The following CTC1 variants were observed in gnomAD, a reference collection of about 807,000 sequenced individuals.
The protein encoded by CTC1 is CST complex subunit CTC1.
CTC1 carries 91 observed loss-of-function variants against 136.3 expected under a neutral mutation model. The ratio of observed to expected loss-of-function variants is 0.67; its 90% CI spans 0.56 to 0.79. The LOEUF (loss-of-function observed/expected upper bound fraction) is 0.79. Ranked by LOEUF, CTC1 falls within the 30% of genes least tolerant of loss-of-function variation. The pLI, the probability that CTC1 is intolerant of heterozygous loss-of-function variation, is 0.00. For missense variants in CTC1, 1,432 were observed against 1,498.1 expected, an observed-to-expected ratio of 0.96 and a Z score of 0.73; for synonymous variants, 606 against 613.8, an observed-to-expected ratio of 0.99 and a Z score of 0.19.
chr17:8,235,751 C>T (rs1237169796), intron 7 of CTC1, 80 bp downstream of exon 7: 2 of 1,449,278 alleles, frequency 1.4e-6, no homozygotes, highest in Non-Finnish European at 1.9e-6. Flanking sequence ...TATATAACCA[C>T]CCTGCTGCAG....
rs761028066 is a variant in CTC1 at position 8,236,225 on chromosome 17, A to C, written c.910T>G (p.Ser304Ala). The change falls in exon 6 of 23, where the codon TCC becomes GCC. Residue 304 changes from serine (S) to alanine (A), a missense_variant. By Grantham distance (99) the Ser-to-Ala change is moderately conservative (BLOSUM62 1). Transcript: ENST00000651323. ...GGTTTCAGCAGCAACAGACGGGAGGACTGACTGGTCATCCAAACATGCTGG... is the reference window on the plus strand; with the variant it reads ...GGTTTCAGCAGCAACAGACGGGAGGCCTGACTGGTCATCCAAACATGCTGG... Reference protein sequence around the residue: ...QRQHVWMTSQSSRLLLLKPEC... With the variant: ...QRQHVWMTSQASRLLLLKPEC... 8.7e-6 allele frequency: 14 copies of C among 1,614,048 alleles called. No homozygotes were observed. The Admixed American group carries it at 2.2e-4, about 25-fold the overall frequency.
Position 8,229,971 on chromosome 17 carries a change from G to GC in CTC1, c.2934-4dup, listed in dbSNP as rs1222623150. On this transcript the variant is annotated splice_region_variant and splice_polypyrimidine_tract_variant and intron_variant, in intron 17 of 22. Coordinates refer to ENST00000651323, the MANE Select transcript of CTC1 (RefSeq NM_025099.6). Reference sequence around the variant, plus strand: ...AACAACAATAAACATTGTGAGATCTGCAAGTGGAAGAGGAATAGTGAGTGA... The same window carrying GC: ...AACAACAATAAACATTGTGAGATCTGCCAAGTGGAAGAGGAATAGTGAGTGA... 10 of 1,613,808 alleles carry GC rather than the reference G, an allele frequency of 6.2e-6. No homozygotes were observed. Among genetic ancestry groups the GC allele is most frequent in the Non-Finnish European group, 8.5e-6 (10 of 1,179,872 alleles).
rs781000475 is a variant in CTC1, at chr17:8,234,818, C to A, written c.1548G>T (p.Pro516=). The A allele has an allele frequency of 6.2e-7, 1 of 1,613,002 alleles. No homozygotes were observed. Among genetic ancestry groups the A allele is most frequent in the Non-Finnish European group, 8.5e-7 (1 of 1,179,486 alleles). The change falls in exon 9 of 23, where the codon CCG becomes CCT. Residue 516 remains proline (P), a synonymous_variant. Transcript: ENST00000651323. The stretch of plus-strand genomic sequence containing the variant: ...GTGCATTCCGAACAGGGCTGCCTGG[C>A]GGAGCTAGAAGATCCAGGGTAGGAG... The part of the protein sequence containing the change: ...LLAPTLDLLA[P]PGSPVRNAHN...
In CTC1 at chr17:8,234,877, G is replaced by C; in HGVS notation, c.1489C>G (p.Pro497Ala). The change falls in exon 9 of 23, where the codon CCT becomes GCT. Residue 497 changes from proline (P) to alanine (A), a missense_variant. Coordinates refer to ENST00000651323, the MANE Select transcript of CTC1 (RefSeq NM_025099.6). ...TGCAGTCCCAGGCTGGGGCTCCCAG[G>C]AGAGGAATGTTGCAGGAACTGGTGG... ...RHHQFLQHSS[P>A]GSPSLGLQLL... 1.2e-6 allele frequency: 2 copies of C among 1,612,024 alleles called. No individual in the cohort carries two copies. The highest frequency in any genetic ancestry group is 1.7e-6 in the Non-Finnish European group (2 of 1,179,042).
rs1987220002 is a variant in CTC1, at chr17:8,231,486, AGAC to A, written c.2476-20_2476-18del. 6.3e-7 allele frequency: 1 copy of A among 1,584,434 alleles called. No homozygotes were observed. Among genetic ancestry groups the A allele is most frequent in the African/African-American group, 1.3e-5 (1 of 74,334 alleles). The stretch of plus-strand genomic sequence containing the variant: ...CATTGGTGTCTGCACGGAAATGGGA[AGAC>A]GACTGCCTGTGAGTGTGTGCTAGTC... On this transcript the variant is annotated intron_variant, in intron 14 of 22. Transcript: ENST00000651323.
In CTC1 at chr17:8,231,952, G is replaced by A; in HGVS notation, c.2336C>T (p.Thr779Ile). Residue 779 changes from threonine to isoleucine, a missense_variant, in exon 13 of 23, where the codon ACT becomes ATT. Thr to Ile is a moderately conservative substitution (Grantham distance 89). Transcript: ENST00000651323. ...WLGGTQRKEG[T>I]GWGLPEPQGN... Reference sequence around the variant, plus strand: ...CTGGGGCTCGGGCAGCCCCCATCCAGTACCCTCCTTCCTCTGGGTGCCCCC... The same window carrying A: ...CTGGGGCTCGGGCAGCCCCCATCCAATACCCTCCTTCCTCTGGGTGCCCCC... 1.2e-6 allele frequency: 2 copies of A among 1,612,858 alleles called. No homozygotes were observed. The highest frequency in any genetic ancestry group is 1.7e-6 in the Non-Finnish European group (2 of 1,179,490).
intron 1 of CTC1, among the ~76,000 whole-genome samples, chr17:8,246,781 C>G (rs1469372135): frequency 6.6e-6 from 1 of 151,768 alleles, no homozygotes; most frequent in Admixed American, 6.6e-5. Flanking sequence ...GCCTGTATGC[C>G]TGTAATTCCA....
intron 5 of CTC1, 73 bp from the exon 6 acceptor site, chr17:8,236,415 T>C (rs1336261725): frequency 1.3e-6 from 2 of 1,492,636 alleles, no homozygotes; most frequent in Admixed American, 1.9e-5. Flanking sequence ...TCCTTTTCCC[T>C]CACGATTTGA....
Position 8,238,218 on chromosome 17 carries a change from A to G in CTC1, c.460T>C (p.Leu154=). The change falls in exon 4 of 23, where the codon TTG becomes CTG. Residue 154 remains leucine (L), a synonymous_variant. Transcript: ENST00000651323. ...CGGGGGAACAGAAAAAGATGGCCCA[A>G]CCAAGAAAGGTCCAGGTCTATGAGC... ...CELIDLDLSW[L]GHLFLFPRWS... 1 of 1,610,304 alleles carries G rather than the reference A, an allele frequency of 6.2e-7. No homozygotes were observed. Among genetic ancestry groups the G allele is most frequent in the South Asian group, 1.1e-5 (1 of 90,900 alleles).
At chr17:8,235,732 C>T in intron 7 of CTC1, 99 bp downstream of exon 7, 1 of 1,334,590 alleles carries the variant, frequency 7.5e-7, no homozygotes, top group Non-Finnish European at 1.0e-6. Context: ...CTTTTAATTT[C>T]TATATTTCTA....
At chr17:8,233,100 A>C in intron 10 of CTC1, 68 bp from the exon 11 acceptor site, 1 of 1,548,302 alleles carries the variant, frequency 6.5e-7, no homozygotes, top group African/African-American at 1.4e-5. Context: ...ACTATTTGCC[A>C]GATGCTGTAT....
At position 8,242,542 on chromosome 17, in the gene CTC1, AAAAAAAAAAAAAT is replaced by A. The variant is rs1203569999; in HGVS notation, c.197+430_197+442del. 1.0e-3 allele frequency among the ~76,000 whole-genome samples: 82 copies of A among 82,394 alleles called. 1 individual carries two copies. The highest frequency in any genetic ancestry group is 1.7e-3 in the Non-Finnish European group (72 of 42,626). 54.1% of individuals were successfully genotyped at this position (82,394 alleles called of 152,430 possible). A position where few individuals can be genotyped will look rare whatever the true frequency, so the allele number is the denominator to read the frequency against. On this transcript the variant is annotated intron_variant, in intron 2 of 22. Coordinates refer to ENST00000651323, the MANE Select transcript of CTC1 (RefSeq NM_025099.6). The stretch of plus-strand genomic sequence containing the variant: ...AATGATAGTGTAGAGAGAAAAAAAA[AAAAAAAAAAAAAT>A]ATATATATATATATATATATATATA...
chr17:8,235,492 G>C, intron 7 of CTC1: 1 of 599,998 alleles, frequency 1.7e-6, no homozygotes, highest in Non-Finnish European at 2.9e-6. Context: ...GTCTTGCTGT[G>C]GGCTGGGTGG....
In CTC1 at chr17:8,228,620, T is replaced by G. The variant is rs926281886; in HGVS notation, c.3397A>C (p.Arg1133=). Residue 1133 remains arginine, a synonymous_variant, in exon 22 of 23, where the codon AGG becomes CGG. Coordinates refer to ENST00000651323, the MANE Select transcript of CTC1 (RefSeq NM_025099.6). ...GPGAQLESSA[R]VDEPMTMFLW... is the part of the protein sequence containing the mutation. ...AACATGGTCATGGGCTCGTCAACCC[T>G]GGCTGAAGACTAGAAAGAGAAGGTC... 4.3e-6 allele frequency: 7 copies of G among 1,614,070 alleles called. No homozygotes were observed. Among genetic ancestry groups the G allele is most frequent in the Non-Finnish European group, 5.9e-6 (7 of 1,180,028 alleles).
chr17:8,227,072 T>G lies in CTC1; in HGVS notation c.*1108A>C, dbSNP rs955024454. 4.6e-5 allele frequency: 7 copies of G among 150,882 alleles called. No homozygotes were observed. In the South Asian group the frequency reaches 8.0e-4, roughly 17 times the overall value. The allele number at this position is 150,882 out of a possible 1,614,324, so 9.3% of individuals were successfully genotyped here. On this transcript the variant is annotated 3_prime_UTR_variant, in exon 23 of 23. Coordinates refer to ENST00000651323, the MANE Select transcript of CTC1 (RefSeq NM_025099.6). ...CAACTGAGCTAACCGGCCACTAACT[T>G]TCCGGGTCTACTTCAAATCTTAATA...
Position 8,230,475 on chromosome 17 carries a change from A to T in CTC1, c.2759-7T>A. 6.2e-7 allele frequency: 1 copy of T among 1,613,740 alleles called. No homozygotes were observed. Among genetic ancestry groups the T allele is most frequent in the Non-Finnish European group, 8.5e-7 (1 of 1,179,760 alleles). On this transcript the variant is annotated splice_polypyrimidine_tract_variant and splice_region_variant and intron_variant, in intron 16 of 22. Transcript: ENST00000651323. ...CTCATGGCCCCCGTGTTCCCTATAG[A>T]AGGAAGGTGGGTGTTAGTAGGATCT...
In CTC1 at chr17:8,237,557, CAGG is replaced by C. The variant is rs1567612864; in HGVS notation, c.648-41_648-39del. Reference sequence around the variant, plus strand: ...AAAAAGCCCTGTAATCCCAGCTACTCAGGAGGCTGAGGGAGGAGAATCACTTGA... The same window carrying C: ...AAAAAGCCCTGTAATCCCAGCTACTCAGGCTGAGGGAGGAGAATCACTTGA... On this transcript the variant is annotated intron_variant, in intron 4 of 22. Coordinates refer to ENST00000651323, the MANE Select transcript of CTC1 (RefSeq NM_025099.6). The C allele has an allele frequency of 3.1e-6, 5 of 1,599,310 alleles. No individual in the cohort carries two copies. In the South Asian group the frequency reaches 5.6e-5, roughly 18 times the overall value.
At position 8,232,471 on chromosome 17, in the gene CTC1, G is replaced by A; in HGVS notation, c.1950C>T (p.Cys650=). 1 of 1,613,300 alleles carries A rather than the reference G, an allele frequency of 6.2e-7. No individual in the cohort carries two copies. Among genetic ancestry groups the A allele is most frequent in the Non-Finnish European group, 8.5e-7 (1 of 1,179,468 alleles). The change falls in exon 12 of 23, where the codon TGC becomes TGT. Residue 650 remains cysteine (C), a synonymous_variant. Coordinates refer to ENST00000651323, the MANE Select transcript of CTC1 (RefSeq NM_025099.6). ...QPLSDPRLIG[C]LVRAERFQLI... is the part of the protein sequence containing the mutation. ...ACTGAAACCTCTCTGCCCGCACCAGGCAGCCTAGAGGAAGAAAGTTTTCTG... is the reference window on the plus strand; with the variant it reads ...ACTGAAACCTCTCTGCCCGCACCAGACAGCCTAGAGGAAGAAAGTTTTCTG...
intron 1 of CTC1, chr17:8,247,615 G>A (rs1379235869): frequency 1.1e-5 from 2 of 181,994 alleles, no homozygotes; most frequent in Non-Finnish European, 2.4e-5. Context: ...AGCCCCTTTC[G>A]GCGCTTTTTG....
Sources: gnomAD v4.1 joint callset for allele counts (sites outside exome capture counted in the v4.1 genomes callset) on GRCh38, gnomAD v4.1.1 for gene constraint, MANE v1.5 for transcripts, NCBI Gene and HGNC (gene_info 2026-07-23, HGNC 2026-07-21) for gene names.